Variants in LIMA1 observed in about 807,000 individuals in gnomAD.
LIMA1 encodes LIM domain and actin binding 1.
Under a neutral mutation model 62.6 loss-of-function variants are expected in LIMA1, and 52 were observed. The observed-to-expected ratio is 0.83, with a 90% confidence interval of 0.67 to 1.05. LIMA1 has a LOEUF of 1.05. Among genes scored for constraint, LIMA1 ranks in the 50% least tolerant of loss-of-function variants. The probability of loss-of-function intolerance (pLI) is 0.00; values close to 1 mark genes in which losing one functional copy is unlikely to be tolerated. For synonymous variants in LIMA1, 302 were observed against 317.8 expected, an observed-to-expected ratio of 0.95 and a Z score of 0.53; for missense variants, 780 against 902.2, an observed-to-expected ratio of 0.86 and a Z score of 1.74.
intron 4 of LIMA1, chr12:50,217,718 G>T: frequency 3.4e-6 from 1 of 292,382 alleles, no homozygotes; most frequent in Non-Finnish European, 6.7e-6. Flanking sequence ...GGGGGAAGGT[G>T]TTCGATCCTT....
intron 1 of LIMA1, 124 bp from the exon 2 acceptor site, chr12:50,248,898 CTG>C (rs1264664557): frequency 1.6e-6 from 1 of 614,038 alleles, no homozygotes; most frequent in Non-Finnish European, 2.9e-6. Flanking sequence ...CTCCCCCAAA[CTG>C]TGTAACCTTG....
intron 7 of LIMA1, among the ~76,000 whole-genome samples, chr12:50,198,170 GATCCA>G (rs1260973890): frequency 6.6e-6 from 1 of 152,104 alleles, no homozygotes; most frequent in Non-Finnish European, 1.5e-5. Flanking sequence ...GGTCTGCTTT[GATCCA>G]AGAGTAGTAT....
chr12:50,211,512 T>C (rs1488216164), intron 4 of LIMA1, among the ~76,000 whole-genome samples: 2 of 147,588 alleles, frequency 1.4e-5, no homozygotes, highest in African/African-American at 2.5e-5. Flanking sequence ...TAGCCAGGCA[T>C]AGTGGTGATG....
At chr12:50,180,688 A>G (rs1940479061) in intron 10 of LIMA1, among the ~76,000 whole-genome samples, 1 of 152,188 alleles carries the variant, frequency 6.6e-6, no homozygotes, top group Non-Finnish European at 1.5e-5. Flanking sequence ...ACAAGCCTTT[A>G]GGAGATTTGG....
chr12:50,218,334 C>T (rs1941384095), intron 4 of LIMA1: 2 of 152,256 alleles, frequency 1.3e-5, no homozygotes, highest in Admixed American at 1.3e-4. Flanking sequence ...TTCTTCTTTT[C>T]TTTGTCATCT....
At chr12:50,248,315 T>C (rs1188879171) in intron 2 of LIMA1, among the ~76,000 whole-genome samples, 1 of 152,244 alleles carries the variant, frequency 6.6e-6, no homozygotes, top group Non-Finnish European at 1.5e-5. Context: ...TCTCTTATTC[T>C]GTACCTAATC....
rs1941038422 is a variant in LIMA1, at chr12:50,201,017, ACT to A, written c.865-135_865-134del. 4 of 1,442,634 alleles carry A rather than the reference ACT, an allele frequency of 2.8e-6. No individual in the cohort carries two copies. In the Admixed American group the frequency reaches 1.1e-4, roughly 40 times the overall value. The allele number at this position is 1,442,634 out of a possible 1,614,324, so 89.4% of individuals were successfully genotyped here. A position where few individuals can be genotyped will look rare whatever the true frequency, so the allele number is the denominator to read the frequency against. The stretch of plus-strand genomic sequence containing the variant: ...AGCCTCGGGTCAAATCAACCCCCTA[ACT>A]CTCACAAGCAAAACCCACTGACTAG... On this transcript the variant is annotated intron_variant, in intron 6 of 10. Coordinates refer to ENST00000341247, the MANE Select transcript of LIMA1 (RefSeq NM_016357.5).
chr12:50,251,377 T>C (rs1263502518), intron 1 of LIMA1, among the ~76,000 whole-genome samples: 1 of 152,042 alleles, frequency 6.6e-6, no homozygotes, highest in African/African-American at 2.4e-5. Flanking sequence ...TCCCAGCACT[T>C]TGGGAGGCCG....
intron 3 of LIMA1, among the ~76,000 whole-genome samples, chr12:50,225,339 T>C (rs941561349): frequency 6.6e-6 from 1 of 152,200 alleles, no homozygotes; most frequent in Non-Finnish European, 1.5e-5. Context: ...ATAGATGCTG[T>C]AATACATGCC....
intron 6 of LIMA1, among the ~76,000 whole-genome samples, chr12:50,204,148 GTCT>G (rs1474397389): frequency 1.3e-5 from 2 of 152,172 alleles, no homozygotes; most frequent in Non-Finnish European, 2.9e-5. Context: ...TTTCTCTCCA[GTCT>G]TCTTCTTTCT....
chr12:50,256,427 A>G (rs912239305), intron 1 of LIMA1: 6 of 152,172 alleles, frequency 3.9e-5, no homozygotes, highest in South Asian at 2.1e-4. Context: ...ACCTAGCTTT[A>G]TCTTATATTA....
At chr12:50,254,206 C>T (rs954250501) in intron 1 of LIMA1, among the ~76,000 whole-genome samples, 2 of 152,054 alleles carry the variant, frequency 1.3e-5, no homozygotes, top group African/African-American at 2.4e-5. Context: ...CAGTTGGCTG[C>T]AAGAGTTAAA....
chr12:50,273,394 G>A (rs1592571790), intron 1 of LIMA1, among the ~76,000 whole-genome samples: 1 of 152,200 alleles, frequency 6.6e-6, no homozygotes. Context: ...GCAGGGGAAA[G>A]ATCATCACTG....
At chr12:50,263,122 G>C (rs1446358924) in intron 1 of LIMA1, among the ~76,000 whole-genome samples, 4 of 152,144 alleles carry the variant, frequency 2.6e-5, no homozygotes, top group Non-Finnish European at 5.9e-5. Context: ...TAATAAAATT[G>C]AGTTATTCTC....
At chr12:50,257,573 C>T (rs192466208) in intron 1 of LIMA1, among the ~76,000 whole-genome samples, 1 of 152,206 alleles carries the variant, frequency 6.6e-6, no homozygotes, top group Non-Finnish European at 1.5e-5. Context: ...GCTGACCAAT[C>T]GTTACCTCCT....
chr12:50,209,584 A>AG (rs1251043593), intron 4 of LIMA1, among the ~76,000 whole-genome samples: 3 of 125,972 alleles, frequency 2.4e-5, no homozygotes, highest in African/African-American at 1.0e-4. Flanking sequence ...AAAAAAAAAA[A>AG]AAAGAAAAAA....
intron 5 of LIMA1, among the ~76,000 whole-genome samples, chr12:50,204,941 G>A (rs1434283328): frequency 2.6e-5 from 4 of 152,024 alleles, no homozygotes; most frequent in Non-Finnish European, 5.9e-5. Flanking sequence ...TCTAAATTTT[G>A]GGTTATTTTT....
rs1001501059 is a variant in LIMA1, at chr12:50,274,644, G to A, written c.-24+8776C>T. 9.2e-5 allele frequency among the ~76,000 whole-genome samples: 14 copies of A among 152,052 alleles called. No individual in the cohort carries two copies. In the East Asian group the frequency reaches 1.9e-3, roughly 21 times the overall value. On this transcript the variant is annotated intron_variant, in intron 1 of 10. Coordinates refer to ENST00000341247, the MANE Select transcript of LIMA1 (RefSeq NM_016357.5). ...AAATTTCCATTCCACTGGAGAAGCC[G>A]GACAATTAAAGACTGTGATTAGTGG...
intron 7 of LIMA1, among the ~76,000 whole-genome samples, chr12:50,199,179 C>CA (rs978189579): frequency 9.2e-5 from 14 of 152,006 alleles, no homozygotes; most frequent in Non-Finnish European, 1.0e-4. Context: ...AAAATACAAA[C>CA]AATTAGCCAG....
Sources: gnomAD v4.1 joint callset for allele counts (sites outside exome capture counted in the v4.1 genomes callset) on GRCh38, gnomAD v4.1.1 for gene constraint, MANE v1.5 for transcripts, NCBI Gene and HGNC (gene_info 2026-07-23, HGNC 2026-07-21) for gene names.